Variants in ARID3A observed in about 807,000 individuals in gnomAD.
ARID3A encodes the protein AT-rich interactive domain-containing protein 3A.
Under a neutral mutation model 52.7 loss-of-function variants are expected in ARID3A, and 11 were observed. That is an observed-to-expected ratio of 0.21 (90% CI 0.13 to 0.35). The LOEUF (loss-of-function observed/expected upper bound fraction) is 0.35. Ranked by LOEUF, ARID3A falls within the 10% of genes least tolerant of loss-of-function variation. ARID3A has a pLI of 1.00. For synonymous variants in ARID3A, 404 were observed against 359.4 expected, an observed-to-expected ratio of 1.12 and a Z score of -1.40; for missense variants, 721 against 838.5, an observed-to-expected ratio of 0.86 and a Z score of 1.73.
At chr19:943,219 C>T (rs1459022355) in intron 3 of ARID3A, among the ~76,000 whole-genome samples, 1 of 148,468 alleles carries the variant, frequency 6.7e-6, no homozygotes, top group Non-Finnish European at 1.5e-5. Context: ...TATAGTGGCA[C>T]GACTGCACTC....
chr19:973,104 A>ATTT lies in ARID3A; in HGVS notation c.*1058_*1060dup, dbSNP rs56404084. 344 of 53,662 alleles carry ATTT rather than the reference A, an allele frequency of 6.4e-3. 57 individuals carry two copies. Among genetic ancestry groups the ATTT allele is most frequent in the African/African-American group, 0.019 (270 of 14,262 alleles). 3.3% of individuals were successfully genotyped at this position (53,662 alleles called of 1,614,324 possible). A position where few individuals can be genotyped will look rare whatever the true frequency, so the allele number is the denominator to read the frequency against. ...GGGCTCTCGAGTCAGGGGCCTGGAA[A>ATTT]TTTTTTTTTTTTTTTTTTTTTGAGA... On this transcript the variant is annotated 3_prime_UTR_variant, in exon 9 of 9. Coordinates refer to ENST00000263620, the MANE Select transcript of ARID3A (RefSeq NM_005224.3).
At position 966,766 on chromosome 19, in the gene ARID3A, C is replaced by T. The variant is rs767924415; in HGVS notation, c.1393C>T (p.Leu465=). 5.0e-6 allele frequency: 8 copies of T among 1,613,468 alleles called. No homozygotes were observed. In the South Asian group the frequency reaches 7.7e-5, roughly 16 times the overall value. ...AGAGCCTCCGGAGAAGAAGATGGCC[C>T]TGGTGGCCGATGAGCAGCAACGGCT... ...SAEPPEKKMA[L]VADEQQRLMQ... Residue 465 remains leucine, a synonymous_variant, in exon 7 of 9, where the codon CTG becomes TTG. Transcript: ENST00000263620.
At chr19:958,665 G>A (rs927808065) in intron 3 of ARID3A, among the ~76,000 whole-genome samples, 6 of 151,474 alleles carry the variant, frequency 4.0e-5, no homozygotes, top group South Asian at 4.2e-4. Context: ...AGGCCGAGGC[G>A]GGCGGATCAC....
Position 938,150 on chromosome 19 carries a change from C to T in ARID3A, c.693+5408C>T, listed in dbSNP as rs886949633. ...TGAGCCACCGCGCCCGGCCTGTTGT[C>T]GACTTTTGATCCTAGCCTCCTTGTG... On this transcript the variant is annotated intron_variant, in intron 3 of 8. Coordinates refer to ENST00000263620, the MANE Select transcript of ARID3A (RefSeq NM_005224.3). This position sits in a 1 kb window ranked among gnomAD's most constrained non-coding sequence, Gnocchi z 4.0. 2.0e-5 allele frequency among the ~76,000 whole-genome samples: 3 copies of T among 151,822 alleles called. No homozygotes were observed. Among genetic ancestry groups the T allele is most frequent in the Admixed American group, 6.6e-5 (1 of 15,226 alleles).
chr19:964,798 C>T lies in ARID3A; in HGVS notation c.951-35C>T. 6 of 1,600,244 alleles carry T rather than the reference C, an allele frequency of 3.7e-6. No individual in the cohort carries two copies. The highest frequency in any genetic ancestry group is 5.1e-6 in the Non-Finnish European group (6 of 1,170,296). On this transcript the variant is annotated intron_variant, in intron 5 of 8. Coordinates refer to ENST00000263620, the MANE Select transcript of ARID3A (RefSeq NM_005224.3). The surrounding 1 kb of genome is among the most constrained non-coding windows in gnomAD (Gnocchi z 5.7). The stretch of plus-strand genomic sequence containing the variant: ...GGCCAAAGAGAGCCGTAGGGGTGAC[C>T]CGGGTGCCATCCTCTTCCCTCGTCC...
At chr19:967,787 G>C (rs565920559) in intron 7 of ARID3A, among the ~76,000 whole-genome samples, 1 of 151,820 alleles carries the variant, frequency 6.6e-6, no homozygotes, top group Non-Finnish European at 1.5e-5. Context: ...GCCCACGCCT[G>C]TAATCCCAGC....
intron 7 of ARID3A, 126 bp downstream of exon 7, chr19:966,994 A>G: frequency 8.3e-7 from 1 of 1,208,672 alleles, no homozygotes; most frequent in Non-Finnish European, 1.1e-6. Context: ...GCAGTGGCTG[A>G]CATCTGTAAT....
At chr19:927,601 C>T (rs1260345461) in intron 1 of ARID3A, among the ~76,000 whole-genome samples, 1 of 149,632 alleles carries the variant, frequency 6.7e-6, no homozygotes, top group South Asian at 2.1e-4. Flanking sequence ...GTGGGGGGGG[C>T]CTTGTCTTGA....
At position 942,299 on chromosome 19, in the gene ARID3A, C is replaced by T. The variant is rs2037573303; in HGVS notation, c.693+9557C>T. Among the ~76,000 whole-genome samples, 1 of 152,216 alleles carries T rather than the reference C, an allele frequency of 6.6e-6. No individual in the cohort carries two copies. The highest frequency in any genetic ancestry group is 1.5e-5 in the Non-Finnish European group (1 of 68,024). ...GGCCCAAATTACCTGACTGTCGATC[C>T]TGACTGGGGCGGTGGCGACATGGCC... On this transcript the variant is annotated intron_variant, in intron 3 of 8. Coordinates refer to ENST00000263620, the MANE Select transcript of ARID3A (RefSeq NM_005224.3). This position sits in a 1 kb window ranked among gnomAD's most constrained non-coding sequence, Gnocchi z 8.1.
In ARID3A at chr19:972,032, C is replaced by A; in HGVS notation, c.1749C>A (p.Pro583=). The A allele has an allele frequency of 6.3e-7, 1 of 1,586,136 alleles. No homozygotes were observed. Reference sequence around the variant, plus strand: ...CTGGGCCAGCGGGGCTGTCCACACCCTCCACATCTACCTCAAATAACTCGT... The same window carrying A: ...CTGGGCCAGCGGGGCTGTCCACACCATCCACATCTACCTCAAATAACTCGT... The part of the protein sequence containing the change: ...GQAGPAGLST[P]STSTSNNSLP Residue 583 remains proline (P), a synonymous_variant, in exon 9 of 9, where the codon CCC becomes CCA. Transcript: ENST00000263620.
intron 3 of ARID3A, among the ~76,000 whole-genome samples, chr19:958,445 A>T (rs1484691034): frequency 7.4e-6 from 1 of 135,638 alleles, no homozygotes; most frequent in Non-Finnish European, 1.6e-5. Context: ...AAAAAAAAAA[A>T]GAAGAAAGAA....
At chr19:958,902 A>C (rs1407161942) in intron 3 of ARID3A, among the ~76,000 whole-genome samples, 2 of 151,522 alleles carry the variant, frequency 1.3e-5, no homozygotes, top group African/African-American at 4.8e-5. Context: ...AAAAAAAAAA[A>C]TTCCATATTT....
rs532242653 is a variant in ARID3A at position 955,138 on chromosome 19, G to A, written c.694-4954G>A. Among the ~76,000 whole-genome samples the A allele has an allele frequency of 2.0e-5, 3 of 152,274 alleles. No homozygotes were observed. In the East Asian group the frequency reaches 5.8e-4, roughly 29 times the overall value. On this transcript the variant is annotated intron_variant, in intron 3 of 8. Transcript: ENST00000263620. Reference sequence around the variant, plus strand: ...TGGGTTTGCCATGGGGTGTGCTGTGGCCCAGCAGTTCAACCCGGGATCTGG... The same window carrying A: ...TGGGTTTGCCATGGGGTGTGCTGTGACCCAGCAGTTCAACCCGGGATCTGG...
chr19:943,292 C>T (rs999726180), intron 3 of ARID3A, among the ~76,000 whole-genome samples: 28 of 149,276 alleles, frequency 1.9e-4, no homozygotes, highest in Non-Finnish European at 4.4e-5. Flanking sequence ...AAAGGACGGG[C>T]GCGCAGTGTC....
intron 4 of ARID3A, among the ~76,000 whole-genome samples, chr19:961,356 T>G (rs2038037103): frequency 6.6e-6 from 1 of 152,154 alleles, no homozygotes; most frequent in Non-Finnish European, 1.5e-5. Context: ...GGCCTCCGAG[T>G]TAACCCCTCC....
At chr19:952,684 C>G (rs992736552) in intron 3 of ARID3A, among the ~76,000 whole-genome samples, 3 of 152,212 alleles carry the variant, frequency 2.0e-5, no homozygotes, top group Non-Finnish European at 4.4e-5. Context: ...CTGCACCCCT[C>G]CCACCCCTGC....
At chr19:943,268 G>GAA (rs869103814) in intron 3 of ARID3A, among the ~76,000 whole-genome samples, 3 of 84,912 alleles carry the variant, frequency 3.5e-5, no homozygotes, top group Non-Finnish European at 5.1e-5. Context: ...GTCAAAAAAA[G>GAA]AAAAAAAAAA....
rs1299079317 is a variant in ARID3A at position 964,659 on chromosome 19, C to T, written c.951-174C>T. Among the ~76,000 whole-genome samples the T allele has an allele frequency of 1.3e-5, 2 of 152,152 alleles. No individual in the cohort carries two copies. The highest frequency in any genetic ancestry group is 2.9e-5 in the Non-Finnish European group (2 of 68,022). ...TGCAATCAGGGGCCATTGCGAGGAA[C>T]AGCATTGAGATGGAGGGAATGGGCA... is the stretch of plus-strand genomic sequence containing the variant. On this transcript the variant is annotated intron_variant, in intron 5 of 8. Transcript: ENST00000263620. The surrounding 1 kb of genome is among the most constrained non-coding windows in gnomAD (Gnocchi z 5.7).
chr19:963,566 G>A (rs2038086283), intron 4 of ARID3A, among the ~76,000 whole-genome samples: 2 of 152,180 alleles, frequency 1.3e-5, no homozygotes, highest in East Asian at 1.9e-4. Context: ...CACGTCTGCA[G>A]CCGGCTCCAG....
Sources: allele counts gnomAD v4.1 joint callset (sites outside exome capture counted in the v4.1 genomes callset), GRCh38; gene constraint gnomAD v4.1.1; non-coding constraint Gnocchi (gnomAD v3.1); transcripts MANE v1.5; gene names NCBI Gene and HGNC (gene_info 2026-07-23, HGNC 2026-07-21).